GAN: variants seen among roughly 807,000 people sequenced by gnomAD.
GAN encodes the protein gigaxonin.
A neutral mutation model predicts 71.3 loss-of-function variants in GAN; 48 were observed. The ratio of observed to expected loss-of-function variants is 0.67; its 90% CI spans 0.53 to 0.86. GAN has a LOEUF of 0.86. Ranked by LOEUF, GAN falls within the 40% of genes least tolerant of loss-of-function variation. The probability of loss-of-function intolerance (pLI) is 0.00; values close to 1 mark genes in which losing one functional copy is unlikely to be tolerated. For synonymous variants in GAN, 386 were observed against 276.8 expected (o/e 1.39, Z -3.92); for missense variants, 928 against 770.1 (o/e 1.21, Z -2.43).
At chr16:81,349,453 G>A (rs181151337) in intron 1 of GAN, among the ~76,000 whole-genome samples, 44 of 152,136 alleles carry the variant, frequency 2.9e-4, no homozygotes, top group African/African-American at 1.1e-3. Context: ...AAACCAGCCC[G>A]GGCAAGATGG....
chr16:81,319,093 A>T (rs761588231), intron 1 of GAN, among the ~76,000 whole-genome samples: 2 of 151,668 alleles, frequency 1.3e-5, no homozygotes, highest in Non-Finnish European at 2.9e-5. Context: ...AGGCGGGAGG[A>T]TCCCTTGACC....
In GAN at chr16:81,365,123, G is replaced by C. The variant is rs778600299; in HGVS notation, c.1373+13G>C. 9 of 1,612,798 alleles carry C rather than the reference G, an allele frequency of 5.6e-6. No homozygotes were observed. The highest frequency in any genetic ancestry group is 7.6e-6 in the Non-Finnish European group (9 of 1,179,388). On this transcript the variant is annotated intron_variant, in intron 8 of 10. Coordinates refer to ENST00000648994, the MANE Select transcript of GAN (RefSeq NM_022041.4). ...TAAAAGAGAGGAGGTACGTGGCTGT[G>C]GGGTGGACTTTGTAGATTCCCTTGC... is the stretch of plus-strand genomic sequence containing the variant.
At chr16:81,318,562 C>A (rs1034366065) in intron 1 of GAN, among the ~76,000 whole-genome samples, 3 of 152,190 alleles carry the variant, frequency 2.0e-5, no homozygotes, top group African/African-American at 7.2e-5. Flanking sequence ...ATGTGCCCAA[C>A]AAAGGAAGCC....
chr16:81,360,742 T>G (rs1048629831), intron 5 of GAN, among the ~76,000 whole-genome samples: 2 of 152,238 alleles, frequency 1.3e-5, no homozygotes, highest in Non-Finnish European at 2.9e-5. Context: ...AAATTATCTT[T>G]GTTTTTTAAA....
chr16:81,317,100 G>T (rs555999408), intron 1 of GAN, among the ~76,000 whole-genome samples: 1 of 152,140 alleles, frequency 6.6e-6, no homozygotes, highest in African/African-American at 2.4e-5. Context: ...CTCGTGATCC[G>T]CCCACCTCGG....
chr16:81,376,463 ATATGTGTGTGTGTGTG>A (rs1412997970), intron 9 of GAN, among the ~76,000 whole-genome samples: 2 of 90,062 alleles, frequency 2.2e-5, no homozygotes, highest in African/African-American at 7.5e-5. Context: ...TTATACATAC[ATATGTGTGTGTGTGTG>A]TGTGTGTGTG....
rs1449113056 is a variant in GAN at position 81,354,645 on chromosome 16, C to T, written c.523C>T (p.Pro175Ser). The change falls in exon 3 of 11, where the codon CCT (proline) becomes TCT (serine). Residue 175 changes from proline (P) to serine (S), a missense_variant. Physicochemically the swap from Pro to Ser is moderately conservative, Grantham distance 74 (BLOSUM62 -1). Coordinates refer to ENST00000648994, the MANE Select transcript of GAN (RefSeq NM_022041.4). ...SSTEEFLELSPQKLKEVISLE... is the reference protein window; with the variant it reads ...SSTEEFLELSSQKLKEVISLE... ...CACGGAAGAATTCTTAGAGCTGAGT[C>T]CTCAAAAGCTTAAAGAAGTGATTTC... 2.5e-6 allele frequency: 4 copies of T among 1,612,734 alleles called. No individual in the cohort carries two copies. The highest frequency in any genetic ancestry group is 1.3e-5 in the African/African-American group (1 of 74,862).
At chr16:81,350,055 C>T (rs984265835) in intron 1 of GAN, among the ~76,000 whole-genome samples, 1 of 151,700 alleles carries the variant, frequency 6.6e-6, no homozygotes, top group Non-Finnish European at 1.5e-5. Flanking sequence ...TCTTCAAATT[C>T]TTCATCAGTT....
chr16:81,374,719 C>T (rs1176561065), intron 9 of GAN, among the ~76,000 whole-genome samples: 1 of 152,224 alleles, frequency 6.6e-6, no homozygotes, highest in East Asian at 1.9e-4. Flanking sequence ...CTTTTTTAAG[C>T]ACTTCCTATC....
intron 9 of GAN, among the ~76,000 whole-genome samples, chr16:81,376,972 G>A (rs1904283578): frequency 6.6e-6 from 1 of 152,208 alleles, no homozygotes; most frequent in South Asian, 2.1e-4. Context: ...ACCTTGTGCT[G>A]AGCAGAAGCA....
At chr16:81,316,075 C>G (rs1909029214) in intron 1 of GAN, among the ~76,000 whole-genome samples, 1 of 152,194 alleles carries the variant, frequency 6.6e-6, no homozygotes, top group Non-Finnish European at 1.5e-5. Flanking sequence ...GATTTGCCAA[C>G]TCAACTAACC....
chr16:81,369,378 G>T (rs79546640), intron 9 of GAN, among the ~76,000 whole-genome samples: 2,545 of 152,310 alleles, frequency 0.017, 69 homozygotes, highest in East Asian at 0.12. Context: ...AGTAGAAAAT[G>T]CAGGAGAGGT....
chr16:81,332,316 G>A (rs1364725668), intron 1 of GAN, among the ~76,000 whole-genome samples: 1 of 152,200 alleles, frequency 6.6e-6, no homozygotes, highest in Non-Finnish European at 1.5e-5. Context: ...GGTTGCAGCA[G>A]GCAGTTTCAG....
At chr16:81,344,036 A>T (rs900154885) in intron 1 of GAN, among the ~76,000 whole-genome samples, 1 of 152,164 alleles carries the variant, frequency 6.6e-6, no homozygotes, top group African/African-American at 2.4e-5. Flanking sequence ...AATAAAATAC[A>T]TAGGAATACA....
Position 81,377,424 on chromosome 16 carries a change from A to G in GAN, c.1622A>G (p.Tyr541Cys). ...TATTTCTGTGGCTTAGGTACCAATTACGACTACGTGCGTGAGTTTAAAAGA... is the reference window on the plus strand; with the variant it reads ...TATTTCTGTGGCTTAGGTACCAATTGCGACTACGTGCGTGAGTTTAAAAGA... ...VIGDLDTGTN[Y>C]DYVREFKRST... Residue 541 changes from tyrosine to cysteine, a missense_variant, in exon 11 of 11, where the codon TAC becomes TGC. Transcript: ENST00000648994. 6.2e-7 allele frequency: 1 copy of G among 1,613,928 alleles called. No homozygotes were observed. The highest frequency in any genetic ancestry group is 2.2e-5 in the East Asian group (1 of 44,886).
chr16:81,364,032 T>C (rs866417397), intron 7 of GAN, 89 bp downstream of exon 7: 1 of 993,646 alleles, frequency 1.0e-6, no homozygotes, highest in South Asian at 1.3e-5. Context: ...ACCTTTAATA[T>C]AACTGATGGT....
At chr16:81,373,992 G>C (rs1170296012) in intron 9 of GAN, among the ~76,000 whole-genome samples, 2 of 152,114 alleles carry the variant, frequency 1.3e-5, no homozygotes, top group Non-Finnish European at 2.9e-5. Context: ...CCACCCGCCT[G>C]GGCCTCCTAA....
In GAN at chr16:81,381,073, TGGG is replaced by T. The variant is rs953653185; in HGVS notation, c.*3481_*3483del. The T allele has an allele frequency of 1.3e-5, 2 of 152,212 alleles. No individual in the cohort carries two copies. Among genetic ancestry groups the T allele is most frequent in the African/African-American group, 4.8e-5 (2 of 41,450 alleles). The allele number at this position is 152,212 out of a possible 1,614,324, so 9.4% of individuals were successfully genotyped here. On this transcript the variant is annotated 3_prime_UTR_variant, in exon 11 of 11. Coordinates refer to ENST00000648994, the MANE Select transcript of GAN (RefSeq NM_022041.4). ...AGTGTCATTTTTATAATTTATGAGT[TGGG>T]GGGATTCCCTAGTCAATGCATAGGA... is the stretch of plus-strand genomic sequence containing the variant.
At chr16:81,374,848 G>A (rs775367820) in intron 9 of GAN, among the ~76,000 whole-genome samples, 7 of 152,190 alleles carry the variant, frequency 4.6e-5, no homozygotes, top group Non-Finnish European at 1.5e-5. Context: ...TTTCAACAGA[G>A]GTGCCAAGGC....
Sources: allele counts gnomAD v4.1 joint callset (sites outside exome capture counted in the v4.1 genomes callset), GRCh38; gene constraint gnomAD v4.1.1; transcripts MANE v1.5; gene names NCBI Gene and HGNC (gene_info 2026-07-23, HGNC 2026-07-21).